Variants in COG5 observed in about 807,000 individuals in gnomAD.
The protein encoded by COG5 is conserved oligomeric Golgi complex subunit 5.
Under a neutral mutation model 110.4 loss-of-function variants are expected in COG5, and 86 were observed. That is an observed-to-expected ratio of 0.78 (90% confidence interval 0.65 to 0.93). The LOEUF (loss-of-function observed/expected upper bound fraction) is 0.93, where lower values mean the gene tolerates loss of function less well. COG5 is among the 40% of genes least tolerant of loss of function. The pLI is 0.00. For missense variants in COG5, 1,077 were observed against 987.0 expected (o/e 1.09, Z -1.22); for synonymous variants, 360 against 334.6 (o/e 1.08, Z -0.83).
At position 107,445,788 on chromosome 7, in the gene COG5, A is replaced by T. The variant is rs181112119; in HGVS notation, c.539-33156T>A. Among the ~76,000 whole-genome samples the T allele has an allele frequency of 2.0e-5, 3 of 152,364 alleles. No homozygotes were observed. In the East Asian group the frequency reaches 5.8e-4, roughly 29 times the overall value. ...CCATCAACCATTCACTCATGCACTC[A>T]TCCATTCTTTTAACAAATATTTATT... is the stretch of plus-strand genomic sequence containing the variant. On this transcript the variant is annotated intron_variant, in intron 6 of 21. Coordinates refer to ENST00000297135, the MANE Select transcript of COG5 (RefSeq NM_006348.5).
chr7:107,290,245 C>T (rs1455512913), intron 12 of COG5, among the ~76,000 whole-genome samples: 2 of 151,918 alleles, frequency 1.3e-5, no homozygotes, highest in African/African-American at 4.8e-5. Context: ...TTTCTTTTCC[C>T]CTTCCCTTCC....
At chr7:107,460,844 AAT>A (rs771121398) in intron 6 of COG5, among the ~76,000 whole-genome samples, 13 of 152,162 alleles carry the variant, frequency 8.5e-5, no homozygotes, top group Non-Finnish European at 1.8e-4. Flanking sequence ...GATGTTAATA[AAT>A]TTAGCAACTT....
chr7:107,323,344 C>T lies in COG5; in HGVS notation c.1108+1096G>A, dbSNP rs182481201. Among the ~76,000 whole-genome samples, 670 of 152,242 alleles carry T rather than the reference C, an allele frequency of 4.4e-3. 3 individuals are homozygous for T. Among genetic ancestry groups the T allele is most frequent in the African/African-American group, 0.015 (642 of 41,530 alleles). ...AGGAGTTCGAGACCAGCCTGACCAACATGGTGAAACCCCGTCTTTACTAAA... is the reference window on the plus strand; with the variant it reads ...AGGAGTTCGAGACCAGCCTGACCAATATGGTGAAACCCCGTCTTTACTAAA... On this transcript the variant is annotated intron_variant, in intron 11 of 21. Transcript: ENST00000297135.
intron 18 of COG5, among the ~76,000 whole-genome samples, chr7:107,234,902 T>TA (rs1228896306): frequency 6.6e-6 from 1 of 152,096 alleles, no homozygotes. Context: ...AAGCCAAGTG[T>TA]ACCTGTAAAA....
chr7:107,471,302 A>G (rs1367919791), intron 6 of COG5: 1 of 152,106 alleles, frequency 6.6e-6, no homozygotes, highest in African/African-American at 2.4e-5. Context: ...AAACAAAACT[A>G]AAGTAACTTG....
chr7:107,475,868 T>G (rs889332405), intron 6 of COG5, among the ~76,000 whole-genome samples: 2 of 151,634 alleles, frequency 1.3e-5, no homozygotes, highest in Admixed American at 1.3e-4. Context: ...TTTGCTATAT[T>G]TGATGCATCA....
chr7:107,398,971 G>A (rs1191532005), intron 7 of COG5, among the ~76,000 whole-genome samples: 3 of 152,138 alleles, frequency 2.0e-5, no homozygotes, highest in Non-Finnish European at 4.4e-5. Flanking sequence ...GGAGGCCGAA[G>A]CAGGGAGATC....
intron 19 of COG5, among the ~76,000 whole-genome samples, chr7:107,229,247 G>A (rs1264632775): frequency 6.6e-6 from 1 of 152,026 alleles, no homozygotes; most frequent in Non-Finnish European, 1.5e-5. Context: ...AGAGGAGATC[G>A]AGACCATCCT....
chr7:107,562,372 G>A (rs745661835), intron 1 of COG5, among the ~76,000 whole-genome samples: 33 of 152,170 alleles, frequency 2.2e-4, no homozygotes, highest in Non-Finnish European at 2.9e-4. Context: ...CCTGTCTACA[G>A]TTTAAAACGT....
intron 6 of COG5, among the ~76,000 whole-genome samples, chr7:107,415,760 ATGTG>A (rs1172080827): frequency 1.5e-4 from 22 of 145,306 alleles, no homozygotes; most frequent in East Asian, 6.2e-4. Flanking sequence ...GTATATATGT[ATGTG>A]TGTATATATA....
chr7:107,220,815 CTTTTT>C (rs1168926155), intron 19 of COG5, among the ~76,000 whole-genome samples: 2 of 123,924 alleles, frequency 1.6e-5, no homozygotes, highest in Non-Finnish European at 3.4e-5. Flanking sequence ...CTCATGCCTT[CTTTTT>C]TTTTTTTTTT....
intron 8 of COG5, among the ~76,000 whole-genome samples, chr7:107,363,571 T>A (rs1199073492): frequency 1.3e-5 from 2 of 151,824 alleles, no homozygotes; most frequent in Non-Finnish European, 2.9e-5. Context: ...GCAGAAAGAA[T>A]GACAGAATTA....
chr7:107,522,504 G>A (rs1800410790), intron 6 of COG5, among the ~76,000 whole-genome samples: 1 of 152,144 alleles, frequency 6.6e-6, no homozygotes, highest in East Asian at 1.9e-4. Flanking sequence ...TAGATGACAG[G>A]TTGATAGATG....
At chr7:107,460,391 T>C (rs1171652801) in intron 6 of COG5, among the ~76,000 whole-genome samples, 1 of 150,066 alleles carries the variant, frequency 6.7e-6, no homozygotes, top group Non-Finnish European at 1.5e-5. Flanking sequence ...AAACTCTGCC[T>C]CAAAAAGAAA....
At chr7:107,527,529 C>T (rs964304766) in intron 5 of COG5, among the ~76,000 whole-genome samples, 172 bp from the exon 6 acceptor site, 11 of 152,274 alleles carry the variant, frequency 7.2e-5, no homozygotes, top group African/African-American at 2.6e-4. Context: ...AAAAAAAACA[C>T]AGTGGCTCAC....
chr7:107,554,064 G>A (rs1442597998), intron 3 of COG5, among the ~76,000 whole-genome samples: 1 of 152,260 alleles, frequency 6.6e-6, no homozygotes, highest in Non-Finnish European at 1.5e-5. Flanking sequence ...TTTAGCTCAG[G>A]GGCCAGCAAA....
chr7:107,431,796 C>G (rs1433886240), intron 6 of COG5, among the ~76,000 whole-genome samples: 2 of 152,132 alleles, frequency 1.3e-5, no homozygotes, highest in Non-Finnish European at 2.9e-5. Flanking sequence ...GCTGGGACCA[C>G]AGGCATGCAC....
chr7:107,473,419 T>C (rs1796761642), intron 6 of COG5, among the ~76,000 whole-genome samples: 1 of 152,066 alleles, frequency 6.6e-6, no homozygotes, highest in African/African-American at 2.4e-5. Context: ...AACTGTGATA[T>C]GTAAAATATT....
chr7:107,438,652 A>G (rs1048504171), intron 6 of COG5, among the ~76,000 whole-genome samples: 1 of 152,194 alleles, frequency 6.6e-6, no homozygotes, highest in Non-Finnish European at 1.5e-5. Flanking sequence ...CATGAGAAAG[A>G]TGCATCTGTT....
Sources: gnomAD v4.1 joint callset for allele counts (sites outside exome capture counted in the v4.1 genomes callset) on GRCh38, gnomAD v4.1.1 for gene constraint, MANE v1.5 for transcripts, NCBI Gene and HGNC (gene_info 2026-07-23, HGNC 2026-07-21) for gene names.